Variants in KLHL1 observed in about 807,000 individuals in gnomAD.
KLHL1 encodes kelch like family member 1.
In KLHL1, 47 loss-of-function variants were observed where a neutral mutation model predicts 77.7. The observed-to-expected ratio is 0.60, with a 90% CI of 0.48 to 0.77. The LOEUF (loss-of-function observed/expected upper bound fraction) is 0.77, where lower values mean the gene tolerates loss of function less well. Among genes scored for constraint, KLHL1 ranks in the 30% least tolerant of loss-of-function variants. KLHL1 has a pLI of 0.00. For missense variants in KLHL1, 925 were observed against 910.8 expected, an observed-to-expected ratio of 1.02 and a Z score of -0.20; for synonymous variants, 360 against 325.2, an observed-to-expected ratio of 1.11 and a Z score of -1.15.
intron 1 of KLHL1, among the ~76,000 whole-genome samples, chr13:70,074,997 G>T (rs1006767100): frequency 6.6e-6 from 1 of 151,992 alleles, no homozygotes; most frequent in Admixed American, 6.6e-5. Context: ...CCAGGGGAAA[G>T]CTTACCCTCT....
chr13:69,728,886 C>T (rs1873419032), intron 8 of KLHL1, among the ~76,000 whole-genome samples: 1 of 151,930 alleles, frequency 6.6e-6, no homozygotes, highest in Admixed American at 6.6e-5. Flanking sequence ...ATGAAAGAAA[C>T]TCTGTTTTTA....
intron 4 of KLHL1, among the ~76,000 whole-genome samples, chr13:69,924,863 G>A (rs1205996689): frequency 6.6e-6 from 1 of 152,188 alleles, no homozygotes; most frequent in Non-Finnish European, 1.5e-5. Context: ...TGCCAGCTGT[G>A]GAAGCTGTTT....
At chr13:69,994,083 C>A (rs1885090796) in intron 1 of KLHL1, among the ~76,000 whole-genome samples, 1 of 152,016 alleles carries the variant, frequency 6.6e-6, no homozygotes, top group Non-Finnish European at 1.5e-5. Context: ...GCCTATGACT[C>A]CAAATTCAAG....
At chr13:70,001,706 A>T (rs1411270548) in intron 1 of KLHL1, among the ~76,000 whole-genome samples, 2 of 147,112 alleles carry the variant, frequency 1.4e-5, no homozygotes, top group Non-Finnish European at 3.0e-5. Flanking sequence ...TCATCTTTCT[A>T]CTATCTTCCT....
chr13:70,064,339 G>A (rs554073671), intron 1 of KLHL1, among the ~76,000 whole-genome samples: 27 of 152,250 alleles, frequency 1.8e-4, no homozygotes, highest in African/African-American at 6.5e-4. Flanking sequence ...AAATGTAAGT[G>A]TGAATAGGGA....
intron 1 of KLHL1, among the ~76,000 whole-genome samples, chr13:70,029,560 T>A (rs1230649201): frequency 6.6e-6 from 1 of 152,060 alleles, no homozygotes; most frequent in East Asian, 1.9e-4. Flanking sequence ...TGCTGAGAGA[T>A]TTTGTCACCA....
intron 8 of KLHL1, among the ~76,000 whole-genome samples, chr13:69,735,294 A>C (rs1873716517): frequency 6.6e-6 from 1 of 151,502 alleles, no homozygotes; most frequent in Non-Finnish European, 1.5e-5. Context: ...AAGCACTATA[A>C]AGGTTTTCAA....
At chr13:69,922,977 T>C (rs1399059545) in intron 4 of KLHL1, among the ~76,000 whole-genome samples, 2 of 152,212 alleles carry the variant, frequency 1.3e-5, no homozygotes, top group Admixed American at 6.5e-5. Flanking sequence ...TTTGAAAGCA[T>C]TGCAAATGAA....
At chr13:69,782,337 C>T (rs563776370) in intron 7 of KLHL1, among the ~76,000 whole-genome samples, 116 of 152,272 alleles carry the variant, frequency 7.6e-4, no homozygotes, top group Non-Finnish European at 9.3e-4. Flanking sequence ...TGCAGCGCAC[C>T]GTGTGCTAGC....
intron 4 of KLHL1, among the ~76,000 whole-genome samples, chr13:69,937,477 C>T (rs1412976604): frequency 2.0e-5 from 3 of 151,998 alleles, no homozygotes; most frequent in African/African-American, 7.2e-5. Context: ...TTCCGTTTGC[C>T]ACTCTCTACT....
intron 1 of KLHL1, among the ~76,000 whole-genome samples, chr13:70,021,870 G>T (rs1437551601): frequency 6.6e-6 from 1 of 151,864 alleles, no homozygotes; most frequent in African/African-American, 2.4e-5. Flanking sequence ...AGCTTTAAGG[G>T]TTCTTTGTAT....
At chr13:69,849,847 T>C (rs1044237610) in intron 5 of KLHL1, among the ~76,000 whole-genome samples, 1 of 151,458 alleles carries the variant, frequency 6.6e-6, no homozygotes, top group Non-Finnish European at 1.5e-5. Context: ...ATTAATTTAT[T>C]TTAAATAATT....
At chr13:69,944,004 A>T (rs148919958) in intron 3 of KLHL1, among the ~76,000 whole-genome samples, 1 of 152,202 alleles carries the variant, frequency 6.6e-6, no homozygotes, top group Non-Finnish European at 1.5e-5. Context: ...TTTATGCAGA[A>T]AAGAATGAGC....
At chr13:69,863,345 A>G (rs551280107) in intron 5 of KLHL1, among the ~76,000 whole-genome samples, 2 of 152,268 alleles carry the variant, frequency 1.3e-5, no homozygotes, top group East Asian at 3.9e-4. Flanking sequence ...AATAGAATAG[A>G]AAGCTCTAAA....
At chr13:69,897,607 C>T (rs1881694255) in intron 4 of KLHL1, among the ~76,000 whole-genome samples, 1 of 152,172 alleles carries the variant, frequency 6.6e-6, no homozygotes, top group Non-Finnish European at 1.5e-5. Flanking sequence ...TAAATGCCCC[C>T]TTCCTCCAGA....
intron 2 of KLHL1, among the ~76,000 whole-genome samples, chr13:69,974,176 G>A (rs566424274): frequency 2.2e-4 from 34 of 151,766 alleles, no homozygotes; most frequent in East Asian, 3.9e-4. Flanking sequence ...TGAGTTAGCC[G>A]TAATGATTTT....
chr13:69,965,579 G>A (rs963299331), intron 2 of KLHL1, among the ~76,000 whole-genome samples: 3 of 152,138 alleles, frequency 2.0e-5, no homozygotes, highest in African/African-American at 7.2e-5. Context: ...TGGAAGTGTT[G>A]CATGTCTCTC....
At chr13:69,755,061 T>A (rs1462897966) in intron 7 of KLHL1, among the ~76,000 whole-genome samples, 1 of 152,082 alleles carries the variant, frequency 6.6e-6, no homozygotes, top group Non-Finnish European at 1.5e-5. Context: ...AAATCTTATG[T>A]TGAAATGTGA....
Position 70,108,120 on chromosome 13 carries a change from T to C in KLHL1, c.-421A>G. On this transcript the variant is annotated 5_prime_UTR_variant, in exon 1 of 11. Coordinates refer to ENST00000377844, the MANE Select transcript of KLHL1 (RefSeq NM_020866.3). ...CTGGATACACCTCACTGGGATGCGCTTGTGGCAGAGCCTTAGTAGGGAAGG... is the reference window on the plus strand; with the variant it reads ...CTGGATACACCTCACTGGGATGCGCCTGTGGCAGAGCCTTAGTAGGGAAGG... The C allele has an allele frequency of 2.5e-6, 1 of 406,956 alleles. No homozygotes were observed. Among genetic ancestry groups the C allele is most frequent in the Non-Finnish European group, 4.3e-6 (1 of 230,918 alleles). 25.2% of individuals were successfully genotyped at this position (406,956 alleles called of 1,614,324 possible).
Sources: gnomAD v4.1 joint callset for allele counts (sites outside exome capture counted in the v4.1 genomes callset) on GRCh38, gnomAD v4.1.1 for gene constraint, MANE v1.5 for transcripts, NCBI Gene and HGNC (gene_info 2026-07-23, HGNC 2026-07-21) for gene names.